The following GNAQ variants were observed in gnomAD, a reference collection of about 807,000 sequenced individuals.
The protein encoded by GNAQ is G protein subunit alpha q.
In GNAQ, 8 loss-of-function variants were observed where a neutral mutation model predicts 43.9. That is an observed-to-expected ratio of 0.18 (90% CI 0.11 to 0.33). The LOEUF is 0.33. GNAQ is among the 10% of genes least tolerant of loss of function. The pLI, the probability that GNAQ is intolerant of heterozygous loss-of-function variation, is 1.00. For synonymous variants in GNAQ, 155 were observed against 170.7 expected (o/e 0.91, Z 0.71); for missense variants, 158 against 450.8 (o/e 0.35, Z 5.88).
At position 77,922,256 on chromosome 9, in the gene GNAQ, T is replaced by C. The variant is rs768341234; in HGVS notation, c.226A>G (p.Thr76Ala). Residue 76 changes from threonine (T) to alanine (A), a missense_variant, in exon 2 of 7, where the codon ACC (threonine) becomes GCC (alanine). Physicochemically the swap from Thr to Ala is moderately conservative, Grantham distance 58. Around this residue, in one of 9 missense-constraint regions of GNAQ, gnomAD observed 57 missense variants for 78.2 expected, o/e 0.73. Coordinates refer to ENST00000286548, the MANE Select transcript of GNAQ (RefSeq NM_002072.5). The part of the protein sequence containing the change: ...GYSDEDKRGF[T>A]KLVYQNIFTA... ...AAGATGTTCTGATACACCAGCTTGG[T>C]GAAGCCCCTTTTATCTTCATCAGAG... The C allele has an allele frequency of 6.2e-7, 1 of 1,613,338 alleles. No homozygotes were observed. Among genetic ancestry groups the C allele is most frequent in the Non-Finnish European group, 8.5e-7 (1 of 1,179,286 alleles).
intron 5 of GNAQ, among the ~76,000 whole-genome samples, chr9:77,789,021 G>T (rs1826526388): frequency 6.6e-6 from 1 of 152,120 alleles, no homozygotes; most frequent in African/African-American, 2.4e-5. Context: ...AGTGACTCTT[G>T]CAATAGGCCG....
At chr9:77,728,415 G>C (rs1211097357) in intron 6 of GNAQ, 99 bp downstream of exon 6, 7 of 815,072 alleles carry the variant, frequency 8.6e-6, no homozygotes, top group Non-Finnish European at 1.5e-5. Context: ...CACAGGGCAA[G>C]GGCAGCAATG....
At chr9:77,827,098 T>C (rs963770682) in intron 2 of GNAQ, among the ~76,000 whole-genome samples, 1 of 152,144 alleles carries the variant, frequency 6.6e-6, no homozygotes, top group African/African-American at 2.4e-5. Flanking sequence ...ACTGGAAGCA[T>C]GTTGACTTAA....
Position 77,976,397 on chromosome 9 carries a change from T to C in GNAQ, c.137-54052A>G, listed in dbSNP as rs12555027. 5.2e-3 allele frequency among the ~76,000 whole-genome samples: 786 copies of C among 152,120 alleles called. 16 individuals carry two copies. The highest frequency in any genetic ancestry group is 0.051 in the East Asian group (265 of 5,170). ...GGTTTTTGGTTTTTTTTTGTTTTTG[T>C]TTTTGTTTTTTTTGAGACAGAGTCT... On this transcript the variant is annotated intron_variant, in intron 1 of 6. Transcript: ENST00000286548.
chr9:77,782,088 GA>G (rs979653332), intron 5 of GNAQ, among the ~76,000 whole-genome samples: 3 of 151,800 alleles, frequency 2.0e-5, no homozygotes, highest in Non-Finnish European at 4.4e-5. Flanking sequence ...GTTCTCATCT[GA>G]AAAAAACTAA....
intron 5 of GNAQ, among the ~76,000 whole-genome samples, chr9:77,746,567 A>G (rs1318060834): frequency 6.6e-6 from 1 of 152,188 alleles, no homozygotes; most frequent in East Asian, 1.9e-4. Context: ...AGAAACAAAG[A>G]AAATTAAAAT....
At chr9:77,981,982 G>A (rs1823373928) in intron 1 of GNAQ, among the ~76,000 whole-genome samples, 1 of 152,130 alleles carries the variant, frequency 6.6e-6, no homozygotes, top group Admixed American at 6.6e-5. Flanking sequence ...GCTCTGTTCT[G>A]TGTTTAGGTT....
chr9:77,767,923 T>C (rs1444542026), intron 5 of GNAQ, among the ~76,000 whole-genome samples: 1 of 152,212 alleles, frequency 6.6e-6, no homozygotes, highest in Non-Finnish European at 1.5e-5. Flanking sequence ...GAGGTTTTAG[T>C]GTTCACGGTC....
At chr9:77,864,782 G>C (rs761862253) in intron 2 of GNAQ, among the ~76,000 whole-genome samples, 5 of 152,156 alleles carry the variant, frequency 3.3e-5, no homozygotes, top group Non-Finnish European at 5.9e-5. Context: ...AGCAGCAATA[G>C]GAAATGAACA....
At chr9:77,999,152 G>T (rs1300492717) in intron 1 of GNAQ, among the ~76,000 whole-genome samples, 2 of 149,970 alleles carry the variant, frequency 1.3e-5, no homozygotes, top group Non-Finnish European at 3.0e-5. Context: ...GTAATAGAGG[G>T]TCAATCTGGC....
At chr9:77,850,910 T>C (rs1427295944) in intron 2 of GNAQ, among the ~76,000 whole-genome samples, 1 of 151,986 alleles carries the variant, frequency 6.6e-6, no homozygotes, top group Non-Finnish European at 1.5e-5. Context: ...CACCCCCACA[T>C]CTGTCTCACA....
rs537091826 is a variant in GNAQ at position 77,845,237 on chromosome 9, A to G, written c.322-29467T>C. 2.4e-4 allele frequency among the ~76,000 whole-genome samples: 37 copies of G among 152,262 alleles called. No individual in the cohort carries two copies. In the East Asian group the frequency reaches 6.8e-3, roughly 28 times the overall value. ...GTATTACATTTCTCTCTCCACTGGT[A>G]ATGTTTATTGTTTGTTTCTTACAAT... On this transcript the variant is annotated intron_variant, in intron 2 of 6. Coordinates refer to ENST00000286548, the MANE Select transcript of GNAQ (RefSeq NM_002072.5).
Position 77,716,453 on chromosome 9 carries a change from A to C in GNAQ, c.*4870T>G, listed in dbSNP as rs1564089010. The C allele has an allele frequency of 4.3e-6, 1 of 232,688 alleles. No homozygotes were observed. The allele number at this position is 232,688 out of a possible 1,614,324, so 14.4% of individuals were successfully genotyped here. A position where few individuals can be genotyped will look rare whatever the true frequency, so the allele number is the denominator to read the frequency against. On this transcript the variant is annotated 3_prime_UTR_variant, in exon 7 of 7. Coordinates refer to ENST00000286548, the MANE Select transcript of GNAQ (RefSeq NM_002072.5). ...TACTGCAAGTTAAAAATGTTTTCTG[A>C]CAAAACTCCCTAAATACATAGGTCT...
At chr9:77,790,872 TGAG>T (rs1826558730) in intron 5 of GNAQ, among the ~76,000 whole-genome samples, 1 of 152,162 alleles carries the variant, frequency 6.6e-6, no homozygotes, top group African/African-American at 2.4e-5. Flanking sequence ...CCCGCCACGG[TGAG>T]GTCAGCTGGT....
intron 1 of GNAQ, among the ~76,000 whole-genome samples, chr9:78,023,321 A>ACAGC (rs2118610688): frequency 6.6e-6 from 1 of 152,332 alleles, no homozygotes; most frequent in Admixed American, 6.5e-5. Context: ...TCACCAGCTC[A>ACAGC]CAGCCACATG....
intron 3 of GNAQ, among the ~76,000 whole-genome samples, chr9:77,800,474 CA>C (rs1250059276): frequency 2.6e-5 from 4 of 151,768 alleles, no homozygotes; most frequent in Admixed American, 2.6e-4. Flanking sequence ...ATCGCAAGAA[CA>C]AAAAACCAAA....
At chr9:78,003,906 A>G (rs149715087) in intron 1 of GNAQ, among the ~76,000 whole-genome samples, 2 of 152,302 alleles carry the variant, frequency 1.3e-5, no homozygotes, top group Non-Finnish European at 2.9e-5. Flanking sequence ...ACCAACAATC[A>G]ACTCACTCAT....
intron 3 of GNAQ, among the ~76,000 whole-genome samples, chr9:77,803,468 G>C (rs999187292): frequency 6.6e-6 from 1 of 152,128 alleles, no homozygotes; most frequent in Non-Finnish European, 1.5e-5. Flanking sequence ...CTTCTTGATG[G>C]AAAAAAGGTT....
At chr9:77,922,786 G>A (rs985740274) in intron 1 of GNAQ, among the ~76,000 whole-genome samples, 2 of 152,140 alleles carry the variant, frequency 1.3e-5, no homozygotes, top group African/African-American at 4.8e-5. Flanking sequence ...ACGGTATTCA[G>A]ACAGAGATAA....
Sources: gnomAD v4.1 joint callset for allele counts (sites outside exome capture counted in the v4.1 genomes callset) on GRCh38, gnomAD v4.1.1 for gene constraint, gnomAD v4.1.1 regional missense constraint, MANE v1.5 for transcripts, NCBI Gene and HGNC (gene_info 2026-07-23, HGNC 2026-07-21) for gene names.